ZFHX3: variants seen among roughly 807,000 people sequenced by gnomAD.
ZFHX3 encodes zinc finger homeobox 3, also known as zinc finger homeobox protein 3.
Under a neutral mutation model 279.1 loss-of-function variants are expected in ZFHX3, and 42 were observed. The observed-to-expected ratio is 0.15, with a 90% CI of 0.12 to 0.19. ZFHX3 has a LOEUF of 0.19. Among genes scored for constraint, ZFHX3 ranks in the 10% least tolerant of loss-of-function variants. ZFHX3 has a pLI of 1.00. For synonymous variants in ZFHX3, 2,293 were observed against 1,957.8 expected, an observed-to-expected ratio of 1.17 and a Z score of -4.52; for missense variants, 4,981 against 4,754.0, an observed-to-expected ratio of 1.05 and a Z score of -1.40.
At chr16:73,082,173 C>T (rs1965955298) in intron 8 of ZFHX3, among the ~76,000 whole-genome samples, 1 of 151,946 alleles carries the variant, frequency 6.6e-6, no homozygotes, top group African/African-American at 2.4e-5. Flanking sequence ...AGATAAGGAG[C>T]TCCTGAACTC....
intron 2 of ZFHX3, among the ~76,000 whole-genome samples, chr16:73,651,990 G>C (rs1184244558): frequency 6.6e-6 from 1 of 152,104 alleles, no homozygotes; most frequent in Non-Finnish European, 1.5e-5. Context: ...CATATCCAGA[G>C]AAAACATCTT....
intron 3 of ZFHX3, among the ~76,000 whole-genome samples, chr16:73,336,407 G>T (rs1034196200): frequency 1.6e-5 from 2 of 128,154 alleles, no homozygotes; most frequent in African/African-American, 6.2e-5. Context: ...CCTCAGGGAG[G>T]CCCCTGTGTC....
At chr16:73,051,205 T>C (rs372012844), upstream of ZFHX3, among the ~76,000 whole-genome samples, 4 of 152,222 alleles carry the variant, frequency 2.6e-5, no homozygotes, top group East Asian at 7.7e-4. Flanking sequence ...TATACATTGA[T>C]TTTTAAAACT....
chr16:72,972,863 TC>T, intron 1 of ZFHX3, among the ~76,000 whole-genome samples: 1 of 152,150 alleles, frequency 6.6e-6, no homozygotes, highest in Non-Finnish European at 1.5e-5. Context: ...CCTACAGCTC[TC>T]CATGGGTACA....
chr16:73,651,985 C>T (rs188056537), intron 2 of ZFHX3, among the ~76,000 whole-genome samples: 1 of 152,134 alleles, frequency 6.6e-6, no homozygotes, highest in East Asian at 1.9e-4. Flanking sequence ...AATTCCATAT[C>T]CAGAGAAAAC....
intron 1 of ZFHX3, among the ~76,000 whole-genome samples, chr16:73,739,909 T>C (rs374924105): frequency 9.9e-5 from 15 of 152,284 alleles, no homozygotes; most frequent in Admixed American, 5.9e-4. Flanking sequence ...ACCTCTTTCA[T>C]GTCCACCTCC....
At chr16:73,063,158 C>G (rs1398086751), upstream of ZFHX3, among the ~76,000 whole-genome samples, 5 of 152,132 alleles carry the variant, frequency 3.3e-5, no homozygotes, top group African/African-American at 1.2e-4. Flanking sequence ...GGGTCAGAGG[C>G]GCCGCCACCG....
chr16:73,066,819 G>A (rs1965761400), intron 8 of ZFHX3, among the ~76,000 whole-genome samples: 1 of 152,124 alleles, frequency 6.6e-6, no homozygotes. Flanking sequence ...TTCTCTTTCC[G>A]CCGTTCTCGC....
At chr16:73,107,531 G>A (rs1006906397) in intron 7 of ZFHX3, among the ~76,000 whole-genome samples, 4 of 152,180 alleles carry the variant, frequency 2.6e-5, no homozygotes, top group African/African-American at 7.2e-5. Flanking sequence ...TGGGGCATCT[G>A]CTTTCCCTGA....
At chr16:72,948,846 G>A (rs1029493219) in intron 3 of ZFHX3, among the ~76,000 whole-genome samples, 2 of 152,056 alleles carry the variant, frequency 1.3e-5, no homozygotes, top group African/African-American at 4.8e-5. Context: ...TGACCACGTC[G>A]GCACCATCCT....
chr16:73,645,914 T>C (rs1194494429), intron 2 of ZFHX3, among the ~76,000 whole-genome samples: 1 of 152,188 alleles, frequency 6.6e-6, no homozygotes, highest in Non-Finnish European at 1.5e-5. Flanking sequence ...TATCTTAGTC[T>C]TGTGTAGCTC....
chr16:73,066,774 C>T (rs2144750451), intron 8 of ZFHX3, among the ~76,000 whole-genome samples: 1 of 152,362 alleles, frequency 6.6e-6, no homozygotes, highest in East Asian at 1.9e-4. Flanking sequence ...CTCCCCGTCA[C>T]CCTAACTCCG....
intron 5 of ZFHX3, among the ~76,000 whole-genome samples, chr16:73,169,765 G>A (rs1024345256): frequency 1.3e-5 from 2 of 152,082 alleles, no homozygotes; most frequent in Admixed American, 6.5e-5. Context: ...TGGTGGAGAC[G>A]CATGGATTCT....
chr16:73,555,094 C>G (rs554529008), intron 2 of ZFHX3, among the ~76,000 whole-genome samples: 2 of 152,162 alleles, frequency 1.3e-5, no homozygotes, highest in African/African-American at 4.8e-5. Flanking sequence ...ATGAAGGGAG[C>G]GGGAGGTGGG....
At chr16:73,191,579 C>G (rs1189338829) in intron 5 of ZFHX3, among the ~76,000 whole-genome samples, 1 of 152,192 alleles carries the variant, frequency 6.6e-6, no homozygotes, top group African/African-American at 2.4e-5. Context: ...AAAAACCAAA[C>G]CAAACCCCTC....
chr16:73,005,227 G>C (rs1050536958), intron 1 of ZFHX3, among the ~76,000 whole-genome samples: 17 of 152,206 alleles, frequency 1.1e-4, no homozygotes, highest in African/African-American at 4.1e-4. Flanking sequence ...TGGTGCAGTG[G>C]CTCACGTCTT....
intron 1 of ZFHX3, among the ~76,000 whole-genome samples, chr16:72,981,177 A>AC (rs1210719132): frequency 4.0e-5 from 6 of 151,750 alleles, no homozygotes; most frequent in Non-Finnish European, 8.8e-5. Flanking sequence ...ACTGACCCCC[A>AC]CTCTTACTCC....
At chr16:73,129,624 ATGTGTGCG>A (rs1169031602) in intron 7 of ZFHX3, among the ~76,000 whole-genome samples, 5 of 150,848 alleles carry the variant, frequency 3.3e-5, no homozygotes, top group East Asian at 2.0e-4. Flanking sequence ...GTGCATGCAG[ATGTGTGCG>A]TGTGTGCGTG....
intron 4 of ZFHX3, among the ~76,000 whole-genome samples, chr16:72,852,773 C>G (rs985825288): frequency 2.0e-5 from 3 of 152,176 alleles, no homozygotes; most frequent in African/African-American, 7.2e-5. Flanking sequence ...ATAACCTAAC[C>G]AGACAGAACG....
Sources: gnomAD v4.1 joint callset for allele counts (sites outside exome capture counted in the v4.1 genomes callset) on GRCh38, gnomAD v4.1.1 for gene constraint, MANE v1.5 for transcripts, NCBI Gene and HGNC (gene_info 2026-07-23, HGNC 2026-07-21) for gene names.